Variants in RTTN observed in about 807,000 individuals in gnomAD.
The protein encoded by RTTN is rotatin.
Under a neutral mutation model 269.2 loss-of-function variants are expected in RTTN, and 182 were observed. That is an observed-to-expected ratio of 0.68 (90% confidence interval 0.60 to 0.76). The LOEUF is 0.76. RTTN is among the 30% of genes least tolerant of loss of function. The probability of loss-of-function intolerance (pLI) is 0.00; values close to 1 mark genes in which losing one functional copy is unlikely to be tolerated. For missense variants in RTTN, 2,545 were observed against 2,608.6 expected (o/e 0.98, Z 0.53); for synonymous variants, 1,006 against 963.5 (o/e 1.04, Z -0.82).
chr18:70,130,170 ACT>A (rs2059962934), intron 23 of RTTN: 1 of 152,078 alleles, frequency 6.6e-6, no homozygotes, highest in Admixed American at 6.6e-5. Flanking sequence ...ATGCTCACAC[ACT>A]GTTAGTGGGA....
intron 15 of RTTN, 118 bp downstream of exon 15, chr18:70,150,490 C>G (rs2060507834): frequency 1.1e-6 from 1 of 912,836 alleles, no homozygotes. Context: ...ACCAATGCAC[C>G]AAAGACAGGT....
rs372436367 is a variant in RTTN at position 70,176,194 on chromosome 18, G to T, written c.1476+481C>A. On this transcript the variant is annotated intron_variant, in intron 11 of 48. Transcript: ENST00000640769. The stretch of plus-strand genomic sequence containing the variant: ...ATATGTATATGTATACGTAGATGTA[G>T]ATGTAGATGTATATGTATATGTATA... 7.0e-4 allele frequency among the ~76,000 whole-genome samples: 101 copies of T among 143,364 alleles called. 1 individual carries two copies. The highest frequency in any genetic ancestry group is 4.8e-3 in the South Asian group (20 of 4,174). The allele number at this position is 143,364 out of a possible 152,430, so 94.1% of individuals were successfully genotyped here.
intron 26 of RTTN, among the ~76,000 whole-genome samples, chr18:70,114,883 A>G (rs532762842): frequency 6.6e-6 from 1 of 152,248 alleles, no homozygotes; most frequent in Admixed American, 6.5e-5. Flanking sequence ...ATATTGATAT[A>G]TAACTCTCCT....
In RTTN at chr18:70,059,772, T is replaced by C. The variant is rs2057923334; in HGVS notation, c.4940+78A>G. The C allele has an allele frequency of 4.1e-6, 4 of 969,654 alleles. No homozygotes were observed. The African/African-American group carries it at 6.6e-5, about 16-fold the overall frequency. The allele number at this position is 969,654 out of a possible 1,614,324, so 60.1% of individuals were successfully genotyped here. The stretch of plus-strand genomic sequence containing the variant: ...AGCTGTATTTCCAGGTCACAAGAAA[T>C]CTTGTATCAAGTCATGAATACAGTT... On this transcript the variant is annotated intron_variant, in intron 36 of 48. Coordinates refer to ENST00000640769, the MANE Select transcript of RTTN (RefSeq NM_173630.4).
intron 18 of RTTN, among the ~76,000 whole-genome samples, chr18:70,143,612 G>A (rs2145740236): frequency 6.6e-6 from 1 of 152,220 alleles, no homozygotes; most frequent in East Asian, 1.9e-4. Flanking sequence ...GGGGGTAGGA[G>A]GCGGGAGAGG....
chr18:70,126,512 G>A (rs1300646346), intron 25 of RTTN, among the ~76,000 whole-genome samples: 1 of 152,000 alleles, frequency 6.6e-6, no homozygotes, highest in Non-Finnish European at 1.5e-5. Flanking sequence ...GATGCACAGT[G>A]GTACTCCATT....
At chr18:70,097,205 T>C (rs900808810) in intron 28 of RTTN, among the ~76,000 whole-genome samples, 5 of 152,226 alleles carry the variant, frequency 3.3e-5, no homozygotes, top group Non-Finnish European at 7.3e-5. Flanking sequence ...AAAGTCTCAT[T>C]TCACAGCTAC....
intron 10 of RTTN, among the ~76,000 whole-genome samples, chr18:70,182,302 A>G (rs1006466322): frequency 1.3e-5 from 2 of 152,178 alleles, no homozygotes; most frequent in Admixed American, 6.5e-5. Context: ...AAATATCTGT[A>G]ATTTATTTTT....
At chr18:70,153,125 A>AATTTAGTCC (rs1224332911) in intron 14 of RTTN, among the ~76,000 whole-genome samples, 7 of 152,044 alleles carry the variant, frequency 4.6e-5, no homozygotes, top group Admixed American at 1.3e-4. Context: ...AGCCTACATA[A>AATTTAGTCC]ATTTAGTCCA....
chr18:70,118,277 G>C (rs928715615), intron 26 of RTTN, among the ~76,000 whole-genome samples: 1 of 151,910 alleles, frequency 6.6e-6, no homozygotes, highest in Non-Finnish European at 1.5e-5. Flanking sequence ...CATTACAACA[G>C]ATACCACAGA....
Position 70,086,662 on chromosome 18 carries a change from A to G in RTTN, c.4325T>C (p.Leu1442Pro). 2 of 1,300,930 alleles carry G rather than the reference A, an allele frequency of 1.5e-6. No individual in the cohort carries two copies. The highest frequency in any genetic ancestry group is 5.5e-5 in the East Asian group (2 of 36,232). The allele number at this position is 1,300,930 out of a possible 1,614,324, so 80.6% of individuals were successfully genotyped here. A position where few individuals can be genotyped will look rare whatever the true frequency, so the allele number is the denominator to read the frequency against. ...TTCTGTAGGCATTGGAATTACAAGGAGATTCTGAAGAATAAATGCCGCCTG... is the reference window on the plus strand; with the variant it reads ...TTCTGTAGGCATTGGAATTACAAGGGGATTCTGAAGAATAAATGCCGCCTG... The part of the protein sequence containing the change: ...RREAAFILQN[L>P]LVIPMPTEII... Residue 1442 changes from leucine (L) to proline (P), a missense_variant, in exon 32 of 49, where the codon CTC becomes CCC. Leu to Pro is a moderately conservative substitution (Grantham distance 98). Transcript: ENST00000640769.
At chr18:70,045,705 ACTTT>A (rs1168985164) in intron 40 of RTTN, among the ~76,000 whole-genome samples, 1 of 152,134 alleles carries the variant, frequency 6.6e-6, no homozygotes, top group African/African-American at 2.4e-5. Flanking sequence ...TCCTCTCTTC[ACTTT>A]CTTTGTCTTA....
intron 10 of RTTN, among the ~76,000 whole-genome samples, chr18:70,178,057 C>T (rs1177190091): frequency 6.6e-6 from 1 of 152,110 alleles, no homozygotes; most frequent in Non-Finnish European, 1.5e-5. Flanking sequence ...CCAATAAATG[C>T]AGAAACAAAA....
chr18:70,137,916 T>G (rs1426494296), intron 21 of RTTN, among the ~76,000 whole-genome samples: 1 of 152,230 alleles, frequency 6.6e-6, no homozygotes, highest in Non-Finnish European at 1.5e-5. Context: ...GCATTGCACC[T>G]AGCACAAAGC....
In RTTN at chr18:70,148,994, A is replaced by C. The variant is rs770145627; in HGVS notation, c.2216T>G (p.Leu739Arg). ...TGTGTCAGAACTTGCTTTGCTTAGAAGGAGAATGCAGTTACCCAGAGGATC... is the reference window on the plus strand; with the variant it reads ...TGTGTCAGAACTTGCTTTGCTTAGACGGAGAATGCAGTTACCCAGAGGATC... ...TEDPLGNCILLLSKASSDTEE... is the reference protein window; with the variant it reads ...TEDPLGNCILRLSKASSDTEE... The change falls in exon 17 of 49, where the codon CTT becomes CGT. Residue 739 changes from leucine to arginine, a missense_variant. Coordinates refer to ENST00000640769, the MANE Select transcript of RTTN (RefSeq NM_173630.4). The C allele has an allele frequency of 6.2e-7, 1 of 1,613,582 alleles. No homozygotes were observed. The highest frequency in any genetic ancestry group is 8.5e-7 in the Non-Finnish European group (1 of 1,179,604).
chr18:70,092,064 G>A, intron 30 of RTTN, 46 bp downstream of exon 30: 2 of 1,329,246 alleles, frequency 1.5e-6, no homozygotes, highest in South Asian at 2.4e-5. Context: ...CGTGTCATTT[G>A]TTTTTTAATC....
chr18:70,199,460 G>A lies in RTTN; in HGVS notation c.532C>T (p.Leu178=). ...KCLKFSTFPW[L]PLTTTDRHVL... Reference sequence around the variant, plus strand: ...TGTCTGTCTGTGGTGGTCAGGGGTAGCCAAGGAAATGTAGAAAACTTCAAG... The same window carrying A: ...TGTCTGTCTGTGGTGGTCAGGGGTAACCAAGGAAATGTAGAAAACTTCAAG... Residue 178 remains leucine, a synonymous_variant, in exon 5 of 49, where the codon CTA becomes TTA. Transcript: ENST00000640769. 6.2e-7 allele frequency: 1 copy of A among 1,613,198 alleles called. No individual in the cohort carries two copies. Among genetic ancestry groups the A allele is most frequent in the African/African-American group, 1.3e-5 (1 of 74,988 alleles).
intron 19 of RTTN, among the ~76,000 whole-genome samples, chr18:70,142,042 G>A (rs1301083835): frequency 6.6e-6 from 1 of 152,142 alleles, no homozygotes; most frequent in East Asian, 1.9e-4. Context: ...TAAAGAACCA[G>A]GTTAGTAAGC....
intron 28 of RTTN, among the ~76,000 whole-genome samples, chr18:70,105,664 A>G (rs1568388676): frequency 6.6e-6 from 1 of 152,154 alleles, no homozygotes; most frequent in Admixed American, 6.5e-5. Context: ...CTCCAGTGAA[A>G]TTCATATTAA....
Sources: allele counts gnomAD v4.1 joint callset (sites outside exome capture counted in the v4.1 genomes callset), GRCh38; gene constraint gnomAD v4.1.1; transcripts MANE v1.5; gene names NCBI Gene and HGNC (gene_info 2026-07-23, HGNC 2026-07-21).